SPATA17: variants seen among roughly 807,000 people sequenced by gnomAD.
SPATA17 encodes spermatogenesis-associated protein 17.
SPATA17 carries 53 observed loss-of-function variants against 62.2 expected under a neutral mutation model. The ratio of observed to expected loss-of-function variants is 0.85; its 90% CI spans 0.68 to 1.07. SPATA17 has a LOEUF of 1.07. Ranked by LOEUF, SPATA17 falls within the 50% of genes least tolerant of loss-of-function variation. SPATA17 has a pLI of 0.00. For synonymous variants in SPATA17, 146 were observed against 146.8 expected, an observed-to-expected ratio of 0.99 and a Z score of 0.04; for missense variants, 466 against 425.5, an observed-to-expected ratio of 1.10 and a Z score of -0.84.
At chr1:217,846,772 A>G (rs891019960) in intron 9 of SPATA17, among the ~76,000 whole-genome samples, 7 of 152,070 alleles carry the variant, frequency 4.6e-5, no homozygotes, top group Non-Finnish European at 8.8e-5. Flanking sequence ...ATTAAATAAG[A>G]TAATAGTTTA....
At chr1:217,820,484 A>T (rs941248027) in intron 9 of SPATA17, among the ~76,000 whole-genome samples, 5 of 151,762 alleles carry the variant, frequency 3.3e-5, no homozygotes, top group African/African-American at 1.2e-4. Flanking sequence ...TTGAAAATGG[A>T]TTGAGTATGA....
At chr1:217,857,501 A>G (rs1675810274) in intron 9 of SPATA17, among the ~76,000 whole-genome samples, 1 of 152,224 alleles carries the variant, frequency 6.6e-6, no homozygotes, top group African/African-American at 2.4e-5. Context: ...ATTTAAAATT[A>G]CCATCCCTAG....
At chr1:217,823,500 T>C (rs1243110244) in intron 9 of SPATA17, among the ~76,000 whole-genome samples, 1 of 151,982 alleles carries the variant, frequency 6.6e-6, no homozygotes, top group Non-Finnish European at 1.5e-5. Flanking sequence ...ATACCCAGAC[T>C]CAGGACTCTG....
chr1:217,713,536 G>C (rs530795184), intron 5 of SPATA17, among the ~76,000 whole-genome samples: 1 of 152,160 alleles, frequency 6.6e-6, no homozygotes, highest in African/African-American at 2.4e-5. Context: ...ATCTATGGAG[G>C]GAATAGATTC....
rs552319333 is a variant in SPATA17 at position 217,780,484 on chromosome 1, G to C, written c.724-1690G>C. 3.9e-5 allele frequency among the ~76,000 whole-genome samples: 6 copies of C among 152,164 alleles called. No homozygotes were observed. The South Asian group carries it at 6.2e-4, about 16-fold the overall frequency. On this transcript the variant is annotated intron_variant, in intron 7 of 10. Coordinates refer to ENST00000366933, the MANE Select transcript of SPATA17 (RefSeq NM_138796.4). ...AGCAGGGCTTCTTCTCTTTCATTTTGTAGTCTCATTGGAACTAATAAGTTC... is the reference window on the plus strand; with the variant it reads ...AGCAGGGCTTCTTCTCTTTCATTTTCTAGTCTCATTGGAACTAATAAGTTC...
intron 6 of SPATA17, among the ~76,000 whole-genome samples, chr1:217,757,549 C>T (rs1165759737): frequency 6.6e-6 from 1 of 152,176 alleles, no homozygotes; most frequent in Non-Finnish European, 1.5e-5. Flanking sequence ...CCCACTCCTT[C>T]TTCCTTGACA....
At position 217,705,367 on chromosome 1, in the gene SPATA17, G is replaced by T. The variant is rs996340726; in HGVS notation, c.395+22006G>T. On this transcript the variant is annotated intron_variant, in intron 5 of 10. Coordinates refer to ENST00000366933, the MANE Select transcript of SPATA17 (RefSeq NM_138796.4). ...ATTCTGTAGGTTGTCTCTTTACTGT[G>T]TTCACAGTTCTTTTTAAATTTTGCT... Among the ~76,000 whole-genome samples, 6 of 127,482 alleles carry T rather than the reference G, an allele frequency of 4.7e-5. 1 individual carries two copies. The highest frequency in any genetic ancestry group is 8.6e-5 in the Non-Finnish European group (5 of 58,100). 83.6% of individuals were successfully genotyped at this position (127,482 alleles called of 152,430 possible).
chr1:217,731,101 G>T (rs1672394396), intron 5 of SPATA17, among the ~76,000 whole-genome samples: 1 of 151,470 alleles, frequency 6.6e-6, no homozygotes, highest in South Asian at 2.1e-4. Context: ...ACTTTCTCTT[G>T]GTTTCCTTTC....
chr1:217,704,931 T>A (rs1671697658), intron 5 of SPATA17, among the ~76,000 whole-genome samples: 1 of 152,214 alleles, frequency 6.6e-6, no homozygotes, highest in African/African-American at 2.4e-5. Context: ...ATAATGGGAT[T>A]GCTCGGTTGA....
At chr1:217,740,441 T>G (rs1227603047) in intron 5 of SPATA17, among the ~76,000 whole-genome samples, 1 of 152,192 alleles carries the variant, frequency 6.6e-6, no homozygotes, top group African/African-American at 2.4e-5. Flanking sequence ...GCAAAAGTTC[T>G]TATTTAGTCA....
At chr1:217,846,374 T>C (rs1675528206) in intron 9 of SPATA17, among the ~76,000 whole-genome samples, 1 of 152,044 alleles carries the variant, frequency 6.6e-6, no homozygotes. Context: ...AAGTAGAGTT[T>C]CAATGTGATT....
intron 5 of SPATA17, among the ~76,000 whole-genome samples, chr1:217,724,841 T>C (rs1672227158): frequency 1.3e-5 from 2 of 152,026 alleles, no homozygotes; most frequent in South Asian, 4.2e-4. Flanking sequence ...AATTAGTTTA[T>C]TTTTTTTCCC....
intron 5 of SPATA17, among the ~76,000 whole-genome samples, chr1:217,683,899 A>ATG (rs970437127): frequency 1.3e-5 from 2 of 152,052 alleles, no homozygotes; most frequent in African/African-American, 4.8e-5. Context: ...ATATTTATTT[A>ATG]TGTGTGTAGT....
chr1:217,828,707 G>A (rs1045305857), intron 9 of SPATA17, among the ~76,000 whole-genome samples: 2 of 151,666 alleles, frequency 1.3e-5, no homozygotes, highest in Non-Finnish European at 2.9e-5. Flanking sequence ...ATCTGATAAG[G>A]GTCAATATTC....
At chr1:217,683,804 A>T (rs1671156637) in intron 5 of SPATA17, among the ~76,000 whole-genome samples, 1 of 151,826 alleles carries the variant, frequency 6.6e-6, no homozygotes, top group Non-Finnish European at 1.5e-5. Context: ...TATATATATG[A>T]TTCTATTTAC....
At chr1:217,717,552 G>A (rs1042750331) in intron 5 of SPATA17, among the ~76,000 whole-genome samples, 4 of 151,938 alleles carry the variant, frequency 2.6e-5, no homozygotes, top group Non-Finnish European at 4.4e-5. Flanking sequence ...CAGAGGTTGC[G>A]GTGTTCTGAT....
At chr1:217,822,425 T>G (rs1246138640) in intron 9 of SPATA17, among the ~76,000 whole-genome samples, 1 of 151,458 alleles carries the variant, frequency 6.6e-6, no homozygotes, top group African/African-American at 2.4e-5. Flanking sequence ...TTTCTTACTA[T>G]TTTTCTAATT....
At chr1:217,650,965 C>T in intron 2 of SPATA17, 132 bp from the exon 3 acceptor site, 1 of 634,716 alleles carries the variant, frequency 1.6e-6, no homozygotes, top group Non-Finnish European at 2.8e-6. Context: ...CAATAACTTT[C>T]TACTGTTTAA....
chr1:217,789,639 C>T (rs944559118), intron 8 of SPATA17, among the ~76,000 whole-genome samples: 2 of 152,006 alleles, frequency 1.3e-5, no homozygotes, highest in East Asian at 3.9e-4. Context: ...TAGTTTTGGC[C>T]TAAAAGGGTG....
Sources: gnomAD v4.1 joint callset for allele counts (sites outside exome capture counted in the v4.1 genomes callset) on GRCh38, gnomAD v4.1.1 for gene constraint, MANE v1.5 for transcripts, NCBI Gene and HGNC (gene_info 2026-07-23, HGNC 2026-07-21) for gene names.